CLGN: variants seen among roughly 807,000 people sequenced by gnomAD.
The protein encoded by CLGN is calmegin, also known as testis tissue sperm-binding protein Li 79P.
CLGN carries 62 observed loss-of-function variants against 79.1 expected under a neutral mutation model. The observed-to-expected ratio is 0.78, with a 90% CI of 0.64 to 0.97. The LOEUF is 0.97. CLGN is among the 50% of genes least tolerant of loss of function. The probability of loss-of-function intolerance (pLI) is 0.00; values close to 1 mark genes in which losing one functional copy is unlikely to be tolerated. For missense variants in CLGN, 647 were observed against 715.5 expected (o/e 0.90, Z 1.09); for synonymous variants, 225 against 224.7 (o/e 1.00, Z -0.01).
Position 140,400,391 on chromosome 4 carries a change from G to T in CLGN, c.660C>A (p.Phe220Leu). ...AKPPDVDLKK[F>L]FTDRKTHLYT... ...AAAGATGAGTCTTCCTGTCTGTAAA[G>T]AACTTTTTAAGGTCTACATCTGGAG... The change falls in exon 7 of 15, where the codon TTC (phenylalanine) becomes TTA (leucine). Residue 220 changes from phenylalanine (F) to leucine (L), a missense_variant. Phe to Leu is a conservative substitution (Grantham distance 22). Coordinates refer to ENST00000325617, the MANE Select transcript of CLGN (RefSeq NM_004362.3). 1 of 1,612,484 alleles carries T rather than the reference G, an allele frequency of 6.2e-7. No homozygotes were observed. Among genetic ancestry groups the T allele is most frequent in the South Asian group, 1.1e-5 (1 of 90,776 alleles).
chr4:140,420,022 AAC>A (rs1251738366), intron 1 of CLGN, among the ~76,000 whole-genome samples: 2 of 152,204 alleles, frequency 1.3e-5, no homozygotes, highest in African/African-American at 4.8e-5. Flanking sequence ...GCAAAATAAA[AAC>A]ACATAAAATA....
At chr4:140,420,403 A>C (rs1273023702) in intron 1 of CLGN, among the ~76,000 whole-genome samples, 1 of 152,196 alleles carries the variant, frequency 6.6e-6, no homozygotes, top group African/African-American at 2.4e-5. Flanking sequence ...TCAAAGAACT[A>C]GCTAATTTAA....
chr4:140,422,701 T>C (rs1231427982), intron 1 of CLGN, among the ~76,000 whole-genome samples: 1 of 152,158 alleles, frequency 6.6e-6, no homozygotes, highest in Non-Finnish European at 1.5e-5. Context: ...ATTGCAGCCT[T>C]GAACTCCTGG....
At chr4:140,404,053 T>C (rs1729046009) in intron 5 of CLGN, among the ~76,000 whole-genome samples, 1 of 152,054 alleles carries the variant, frequency 6.6e-6, no homozygotes, top group Non-Finnish European at 1.5e-5. Context: ...TTTAATGAGC[T>C]AACATACTTC....
chr4:140,389,376 T>A (rs914823180), intron 14 of CLGN, 72 bp from the exon 15 acceptor site: 1 of 1,056,424 alleles, frequency 9.5e-7, no homozygotes, highest in Non-Finnish European at 1.4e-6. Context: ...AAACAATATA[T>A]TTATTATTCT....
At chr4:140,399,333 CTTT>C (rs1728954028) in intron 7 of CLGN, among the ~76,000 whole-genome samples, 1 of 152,164 alleles carries the variant, frequency 6.6e-6, no homozygotes, top group Non-Finnish European at 1.5e-5. Context: ...CAGCTTCACT[CTTT>C]TATAGTTACA....
intron 1 of CLGN, among the ~76,000 whole-genome samples, chr4:140,414,940 C>A (rs1729296995): frequency 6.6e-6 from 1 of 150,500 alleles, no homozygotes; most frequent in African/African-American, 2.5e-5. Context: ...ATGTTAAGGG[C>A]AGCCAGAGAG....
chr4:140,406,611 G>T (rs1449761440), intron 4 of CLGN, among the ~76,000 whole-genome samples: 3 of 152,166 alleles, frequency 2.0e-5, no homozygotes, highest in Non-Finnish European at 4.4e-5. Context: ...CCTTCTCAGG[G>T]TACACTAATC....
At chr4:140,417,999 C>T (rs1189057548) in intron 1 of CLGN, among the ~76,000 whole-genome samples, 1 of 152,146 alleles carries the variant, frequency 6.6e-6, no homozygotes, top group East Asian at 1.9e-4. Flanking sequence ...GGTACCAAAA[C>T]AGAGATATGG....
chr4:140,393,122 T>C (rs180936037), intron 11 of CLGN, among the ~76,000 whole-genome samples: 132 of 152,162 alleles, frequency 8.7e-4, no homozygotes, highest in Non-Finnish European at 1.5e-3. Context: ...AATTGTTTTC[T>C]TTTTTATATA....
In CLGN at chr4:140,423,398, G is replaced by T. The variant is rs547031893; in HGVS notation, c.-10+4139C>A. Among the ~76,000 whole-genome samples, 5 of 152,284 alleles carry T rather than the reference G, an allele frequency of 3.3e-5. No individual in the cohort carries two copies. The East Asian group carries it at 9.7e-4, about 29-fold the overall frequency. On this transcript the variant is annotated intron_variant, in intron 1 of 14. Transcript: ENST00000325617. ...TAGGAATAAATCCAACATGGTCATA[G>T]TATATAACTCTTTTAATATGCAGCT...
Position 140,398,908 on chromosome 4 carries a change from T to C in CLGN, c.827A>G (p.Glu276Gly). Residue 276 changes from glutamate to glycine, a missense_variant, in exon 8 of 15, where the codon GAG becomes GGG. Glu to Gly is a moderately conservative substitution (Grantham distance 98, BLOSUM62 -2). Transcript: ENST00000325617. ...AATTTTTGCTCTTTCATCCCATTCC[T>C]CAGGTTTTTTATCATTGGGATCTTC... The part of the protein sequence containing the change: ...EIEDPNDKKP[E>G]EWDERAKIPD... 6.2e-7 allele frequency: 1 copy of C among 1,614,012 alleles called. No individual in the cohort carries two copies. Among genetic ancestry groups the C allele is most frequent in the Non-Finnish European group, 8.5e-7 (1 of 1,179,934 alleles).
chr4:140,422,435 C>A (rs928364962), intron 1 of CLGN, among the ~76,000 whole-genome samples: 7 of 152,182 alleles, frequency 4.6e-5, no homozygotes, highest in Non-Finnish European at 1.0e-4. Flanking sequence ...TAATTTCTTT[C>A]AGCAGCATTT....
At chr4:140,425,431 T>G (rs371611347) in intron 1 of CLGN, among the ~76,000 whole-genome samples, 5 of 69,176 alleles carry the variant, frequency 7.2e-5, no homozygotes, top group South Asian at 3.8e-4. Context: ...ATCAATAGGG[T>G]GTGTGTGTGT....
At position 140,400,377 on chromosome 4, in the gene CLGN, T is replaced by C. The variant is rs1342770175; in HGVS notation, c.674A>G (p.Lys225Arg). The C allele has an allele frequency of 6.2e-7, 1 of 1,611,042 alleles. No homozygotes were observed. The highest frequency in any genetic ancestry group is 8.5e-7 in the Non-Finnish European group (1 of 1,178,416). Reference protein sequence around the residue: ...VDLKKFFTDRKTHLYTLVMNP... With the variant: ...VDLKKFFTDRRTHLYTLVMNP... ...TATACCAAGGGTATAAAGATGAGTC[T>C]TCCTGTCTGTAAAGAACTTTTTAAG... Residue 225 changes from lysine (K) to arginine (R), a missense_variant, in exon 7 of 15, where the codon AAG (lysine) becomes AGG (arginine). Transcript: ENST00000325617.
chr4:140,420,980 G>A (rs1729458652), intron 1 of CLGN, among the ~76,000 whole-genome samples: 1 of 152,018 alleles, frequency 6.6e-6, no homozygotes, highest in Non-Finnish European at 1.5e-5. Flanking sequence ...CCAGCCCCTG[G>A]AAACCATCTT....
chr4:140,392,488 C>T lies in CLGN; in HGVS notation c.1491+98G>A, dbSNP rs1450069174. The T allele has an allele frequency of 8.1e-6, 12 of 1,484,844 alleles. No individual in the cohort carries two copies. The Admixed American group carries it at 9.2e-5, about 11-fold the overall frequency. 92.0% of individuals were successfully genotyped at this position (1,484,844 alleles called of 1,614,324 possible). ...TGAACTATCAGTAAAACTTATGAGA[C>T]ATTTAGTTTATTACTTTTAAGAATC... On this transcript the variant is annotated intron_variant, in intron 12 of 14. Transcript: ENST00000325617.
At chr4:140,400,055 C>T (rs1191955830) in intron 7 of CLGN, among the ~76,000 whole-genome samples, 1 of 152,160 alleles carries the variant, frequency 6.6e-6, no homozygotes, top group Non-Finnish European at 1.5e-5. Context: ...TCCTTTCACC[C>T]TACTGTCTTC....
At chr4:140,417,035 G>A (rs1269108338) in intron 1 of CLGN, among the ~76,000 whole-genome samples, 9 of 151,312 alleles carry the variant, frequency 5.9e-5, no homozygotes, top group African/African-American at 2.2e-4. Context: ...GGGATGCAAG[G>A]CTGGTTCAAT....
Sources: allele counts gnomAD v4.1 joint callset (sites outside exome capture counted in the v4.1 genomes callset), GRCh38; gene constraint gnomAD v4.1.1; transcripts MANE v1.5; gene names NCBI Gene and HGNC (gene_info 2026-07-23, HGNC 2026-07-21).